Variants in MICU1 observed in about 807,000 individuals in gnomAD.
MICU1 encodes mitochondrial calcium uptake 1.
A neutral mutation model predicts 56.8 loss-of-function variants in MICU1; 45 were observed. The observed-to-expected ratio is 0.79, with a 90% CI of 0.62 to 1.02. The LOEUF is 1.02. Among genes scored for constraint, MICU1 ranks in the 50% least tolerant of loss-of-function variants. The probability of loss-of-function intolerance (pLI) is 0.00; values close to 1 mark genes in which losing one functional copy is unlikely to be tolerated. For synonymous variants in MICU1, 186 were observed against 195.1 expected (o/e 0.95, Z 0.39); for missense variants, 504 against 587.1 (o/e 0.86, Z 1.46).
intron 6 of MICU1, among the ~76,000 whole-genome samples, chr10:72,498,979 A>G (rs1190684414): frequency 6.6e-6 from 1 of 152,194 alleles, no homozygotes; most frequent in African/African-American, 2.4e-5. Context: ...CAACATTTTA[A>G]ATGAATATTA....
At chr10:72,443,636 C>T (rs1865010964) in intron 8 of MICU1, among the ~76,000 whole-genome samples, 1 of 152,134 alleles carries the variant, frequency 6.6e-6, no homozygotes, top group Non-Finnish European at 1.5e-5. Flanking sequence ...GAATCCTTTC[C>T]CCATTGCTTT....
At position 72,428,425 on chromosome 10, in the gene MICU1, C is replaced by T. The variant is rs112252400; in HGVS notation, c.934-5054G>A. Among the ~76,000 whole-genome samples, 48 of 152,332 alleles carry T rather than the reference C, an allele frequency of 3.2e-4. No homozygotes were observed. In the South Asian group the frequency reaches 9.5e-3, roughly 30 times the overall value. ...CTCCCAGGTTCAAGCAATTCTCCTG[C>T]CTAAGCCTCCCAAGTGGGCTGGGAT... On this transcript the variant is annotated intron_variant, in intron 8 of 11. Coordinates refer to ENST00000361114, the MANE Select transcript of MICU1 (RefSeq NM_001195518.2).
At chr10:72,434,880 A>G (rs1864657685) in intron 8 of MICU1, among the ~76,000 whole-genome samples, 1 of 152,178 alleles carries the variant, frequency 6.6e-6, no homozygotes, top group African/African-American at 2.4e-5. Context: ...TTGGAAATTT[A>G]GCTTGTTCAT....
intron 8 of MICU1, among the ~76,000 whole-genome samples, chr10:72,444,838 C>T (rs761161876): frequency 1.3e-5 from 2 of 152,200 alleles, no homozygotes; most frequent in Non-Finnish European, 2.9e-5. Context: ...CTGGTTAAAT[C>T]TCTGCTTCGT....
intron 8 of MICU1, among the ~76,000 whole-genome samples, chr10:72,437,557 A>G (rs1448448097): frequency 6.6e-6 from 1 of 152,180 alleles, no homozygotes; most frequent in Non-Finnish European, 1.5e-5. Context: ...TATTAACCTT[A>G]TTAAATGTAA....
At chr10:72,617,468 T>TG (rs1254423083) in intron 1 of MICU1, among the ~76,000 whole-genome samples, 1 of 152,154 alleles carries the variant, frequency 6.6e-6, no homozygotes, top group Non-Finnish European at 1.5e-5. Flanking sequence ...AGTAATCCTT[T>TG]GGGGTAAATA....
chr10:72,388,768 T>C (rs1862973899), intron 10 of MICU1, among the ~76,000 whole-genome samples: 1 of 152,114 alleles, frequency 6.6e-6, no homozygotes. Flanking sequence ...AAAGCCACAG[T>C]CCCCTCTGGA....
chr10:72,379,305 G>A (rs1244073174), intron 10 of MICU1, among the ~76,000 whole-genome samples: 1 of 152,214 alleles, frequency 6.6e-6, no homozygotes. Flanking sequence ...AACAGAATGA[G>A]ATCAGAAGGA....
chr10:72,562,147 CTTTTTTT>C (rs533702573), intron 3 of MICU1, among the ~76,000 whole-genome samples: 1 of 82,650 alleles, frequency 1.2e-5, no homozygotes, highest in Non-Finnish European at 2.2e-5. Flanking sequence ...TACATAAAAT[CTTTTTTT>C]TTTTTTTTTT....
chr10:72,407,494 G>T (rs1316175790), intron 10 of MICU1, among the ~76,000 whole-genome samples: 1 of 152,120 alleles, frequency 6.6e-6, no homozygotes, highest in Non-Finnish European at 1.5e-5. Context: ...AAGGAGCGGG[G>T]TGTTATTCTC....
At chr10:72,560,752 T>C (rs6480628) in intron 3 of MICU1, among the ~76,000 whole-genome samples, 86,122 of 151,786 alleles carry the variant, frequency 0.57, 25,615 homozygotes, top group Non-Finnish European at 0.64. Flanking sequence ...CATCTGTAAT[T>C]CCAGCTACTC....
chr10:72,557,843 G>A (rs1174410694), intron 3 of MICU1, among the ~76,000 whole-genome samples: 2 of 152,080 alleles, frequency 1.3e-5, no homozygotes, highest in Non-Finnish European at 2.9e-5. Flanking sequence ...TCTGTTGTTT[G>A]TAAATAAGTA....
intron 5 of MICU1, among the ~76,000 whole-genome samples, chr10:72,511,155 A>C (rs760719584): frequency 4.6e-5 from 7 of 152,216 alleles, no homozygotes; most frequent in Admixed American, 2.0e-4. Context: ...ATTTAACCAC[A>C]CAGTACGTAG....
At chr10:72,387,465 A>C (rs911956005) in intron 10 of MICU1, among the ~76,000 whole-genome samples, 1 of 152,248 alleles carries the variant, frequency 6.6e-6, no homozygotes, top group African/African-American at 2.4e-5. Context: ...AAAGTTGTAG[A>C]AAACATGGTT....
intron 8 of MICU1, among the ~76,000 whole-genome samples, chr10:72,465,125 C>G (rs539151252): frequency 6.6e-6 from 1 of 152,066 alleles, no homozygotes; most frequent in Non-Finnish European, 1.5e-5. Flanking sequence ...CTCAGCCTCC[C>G]GAGTAGCTGG....
intron 4 of MICU1, among the ~76,000 whole-genome samples, chr10:72,545,388 A>T (rs1402353100): frequency 2.0e-5 from 3 of 152,200 alleles, no homozygotes; most frequent in Non-Finnish European, 4.4e-5. Flanking sequence ...TTTGGTTACA[A>T]CTTGGTTTTA....
At chr10:72,421,465 G>A (rs1293785669) in intron 9 of MICU1, among the ~76,000 whole-genome samples, 2 of 152,118 alleles carry the variant, frequency 1.3e-5, no homozygotes, top group African/African-American at 4.8e-5. Context: ...AGTAGAGACA[G>A]GGTTTTGCCA....
chr10:72,419,337 A>G (rs1224396766), intron 9 of MICU1, among the ~76,000 whole-genome samples: 3 of 152,196 alleles, frequency 2.0e-5, no homozygotes, highest in Non-Finnish European at 4.4e-5. Flanking sequence ...GTACTGTAGA[A>G]GTGCTCTATG....
chr10:72,606,406 C>T (rs1354877704), intron 1 of MICU1, among the ~76,000 whole-genome samples: 2 of 151,210 alleles, frequency 1.3e-5, no homozygotes, highest in Non-Finnish European at 2.9e-5. Flanking sequence ...TCCAGCTACT[C>T]GGGAACTGAG....
Sources: allele counts gnomAD v4.1 joint callset (sites outside exome capture counted in the v4.1 genomes callset), GRCh38; gene constraint gnomAD v4.1.1; transcripts MANE v1.5; gene names NCBI Gene and HGNC (gene_info 2026-07-23, HGNC 2026-07-21).